DLG5: variants seen among roughly 807,000 people sequenced by gnomAD.
The protein encoded by DLG5 is discs large MAGUK scaffold protein 5, also known as disks large homolog 5.
In DLG5, 48 loss-of-function variants were observed where a neutral mutation model predicts 189.8. The ratio of observed to expected loss-of-function variants is 0.25; its 90% CI spans 0.20 to 0.32. DLG5 has a LOEUF of 0.32. Among genes scored for constraint, DLG5 ranks in the 10% least tolerant of loss-of-function variants. DLG5 has a pLI of 1.00. For missense variants in DLG5, 2,160 were observed against 2,544.7 expected, an observed-to-expected ratio of 0.85 and a Z score of 3.25; for synonymous variants, 1,016 against 1,054.1, an observed-to-expected ratio of 0.96 and a Z score of 0.70.
chr10:77,844,753 G>A (rs1046269529), intron 5 of DLG5, among the ~76,000 whole-genome samples: 1 of 152,250 alleles, frequency 6.6e-6, no homozygotes, highest in Non-Finnish European at 1.5e-5. Flanking sequence ...GGGCTGGAGA[G>A]AGCCATCTGA....
intron 13 of DLG5, 47 bp downstream of exon 13, chr10:77,828,835 T>A (rs1349546304): frequency 6.3e-7 from 1 of 1,595,362 alleles, no homozygotes; most frequent in South Asian, 1.1e-5. Context: ...CCAAATGTAA[T>A]CTGCCTATGC....
intron 2 of DLG5, among the ~76,000 whole-genome samples, chr10:77,865,873 A>AC (rs753937293): frequency 1.3e-5 from 2 of 152,044 alleles, no homozygotes; most frequent in Non-Finnish European, 2.9e-5. Context: ...GAGATCCGAG[A>AC]CCCGACAGAC....
Position 77,831,534 on chromosome 10 carries a change from G to A in DLG5, c.1749-661C>T, listed in dbSNP as rs34889043. Among the ~76,000 whole-genome samples the A allele has an allele frequency of 7.9e-3, 1,206 of 152,330 alleles. 15 individuals are homozygous for A. The highest frequency in any genetic ancestry group is 0.017 in the Middle Eastern group (5 of 294). On this transcript the variant is annotated intron_variant, in intron 9 of 31. Coordinates refer to ENST00000372391, the MANE Select transcript of DLG5 (RefSeq NM_004747.4). ...ACTATTTTGAAAATGACTAAAGTGG[G>A]AGGAAACTCTCTACCCAATTTAAGA...
At chr10:77,900,868 G>A (rs1172001871) in intron 1 of DLG5, among the ~76,000 whole-genome samples, 1 of 152,220 alleles carries the variant, frequency 6.6e-6, no homozygotes, top group Non-Finnish European at 1.5e-5. Flanking sequence ...CCGGGAGGCG[G>A]AGGTTGCAGT....
chr10:77,856,850 T>A lies in DLG5; in HGVS notation c.416A>T (p.Asp139Val), dbSNP rs1844258342. 6.2e-7 allele frequency: 1 copy of A among 1,612,438 alleles called. No individual in the cohort carries two copies. Among genetic ancestry groups the A allele is most frequent in the Non-Finnish European group, 8.5e-7 (1 of 1,179,928 alleles). The change falls in exon 3 of 32, where the codon GAC (aspartate) becomes GTC (valine). Residue 139 changes from aspartate (D) to valine (V), a missense_variant. This residue lies in a region of DLG5 where 664 missense variants were observed against 838.5 expected (regional missense o/e 0.79). Transcript: ENST00000372391. ...KAPSPPPLLT[D>V]QQVNEKVENL... ...CTCCACCTTCTCATTCACTTGCTGG[T>A]CAGTGAGGAGGGGTGGTGGGGACGG...
chr10:77,825,374 CCACACACACACACACA>C (rs59102694), intron 13 of DLG5, among the ~76,000 whole-genome samples: 42 of 130,892 alleles, frequency 3.2e-4, no homozygotes, highest in Non-Finnish European at 3.1e-4. Flanking sequence ...CCACACACAA[CCACACACACACACACA>C]CACACACACA....
At position 77,926,269 on chromosome 10, in the gene DLG5, G is replaced by A. The variant is rs2131889209; in HGVS notation, c.252C>T (p.Pro84=). The stretch of plus-strand genomic sequence containing the variant: ...CGACGACGCCGTTCAGGTAGAGAAT[G>A]GGCAGCAGGTGAGGCTGCGTCTTCT... ...ALEKTQPHLL[P]ILYLNGVVGP... Residue 84 remains proline, a synonymous_variant, in exon 1 of 32, where the codon CCC becomes CCT. Coordinates refer to ENST00000372391, the MANE Select transcript of DLG5 (RefSeq NM_004747.4). This position sits in a 1 kb window ranked among gnomAD's most constrained non-coding sequence, Gnocchi z 5.2. 1.3e-6 allele frequency: 2 copies of A among 1,579,084 alleles called. No individual in the cohort carries two copies. The highest frequency in any genetic ancestry group is 2.4e-5 in the East Asian group (1 of 42,296).
At chr10:77,917,453 C>T (rs1047589016) in intron 1 of DLG5, among the ~76,000 whole-genome samples, 1 of 150,954 alleles carries the variant, frequency 6.6e-6, no homozygotes, top group African/African-American at 2.4e-5. Flanking sequence ...GAGGTTGAAG[C>T]TGCAGTGAGC....
Position 77,841,933 on chromosome 10 carries a change from C to T in DLG5, c.1385G>A (p.Ser462Asn). 2 of 1,613,978 alleles carry T rather than the reference C, an allele frequency of 1.2e-6. No individual in the cohort carries two copies. Among genetic ancestry groups the T allele is most frequent in the Non-Finnish European group, 1.7e-6 (2 of 1,179,952 alleles). ...GGCCGCCTTCTTCTCAGATGTGCTG[C>T]TCTTGAGCTTGGACTCGGCCAGCTC... is the stretch of plus-strand genomic sequence containing the variant. ...EVELAESKLK[S>N]STSEKKAANE... The change falls in exon 7 of 32, where the codon AGC becomes AAC. Residue 462 changes from serine to asparagine, a missense_variant. This residue lies in a region of DLG5 where 664 missense variants were observed against 838.5 expected (regional missense o/e 0.79). Coordinates refer to ENST00000372391, the MANE Select transcript of DLG5 (RefSeq NM_004747.4).
rs540749841 is a variant in DLG5, at chr10:77,842,522, C to A, written c.1125-329G>T. 2.0e-5 allele frequency among the ~76,000 whole-genome samples: 3 copies of A among 152,340 alleles called. No individual in the cohort carries two copies. In the East Asian group the frequency reaches 5.8e-4, roughly 29 times the overall value. On this transcript the variant is annotated intron_variant, in intron 6 of 31. Coordinates refer to ENST00000372391, the MANE Select transcript of DLG5 (RefSeq NM_004747.4). ...AAACAAAACAATGCCAGGATAACAGCATAAAGAGGCCTTAACGATCATTTA... is the reference window on the plus strand; with the variant it reads ...AAACAAAACAATGCCAGGATAACAGAATAAAGAGGCCTTAACGATCATTTA...
chr10:77,838,889 G>A (rs1426690223), intron 7 of DLG5, among the ~76,000 whole-genome samples: 3 of 152,240 alleles, frequency 2.0e-5, no homozygotes, highest in Non-Finnish European at 4.4e-5. Flanking sequence ...AGAAGGAGCT[G>A]AGGATTTCAG....
intron 1 of DLG5, among the ~76,000 whole-genome samples, chr10:77,887,152 A>C (rs567549053): frequency 3.3e-5 from 5 of 152,342 alleles, no homozygotes; most frequent in African/African-American, 1.2e-4. Context: ...CCCCAGGACA[A>C]ACGTATTGCT....
At chr10:77,842,331 C>A in intron 6 of DLG5, 138 bp from the exon 7 acceptor site, 1 of 1,071,094 alleles carries the variant, frequency 9.3e-7, no homozygotes, top group Non-Finnish European at 1.3e-6. Context: ...TCTCTCCACC[C>A]CCAGGAGAGA....
At chr10:77,907,546 T>C (rs1357320874) in intron 1 of DLG5, among the ~76,000 whole-genome samples, 1 of 152,162 alleles carries the variant, frequency 6.6e-6, no homozygotes, top group Non-Finnish European at 1.5e-5. Context: ...GCCACTGCAC[T>C]CCAGCCTGGG....
At chr10:77,872,853 C>A (rs140807339) in intron 1 of DLG5, among the ~76,000 whole-genome samples, 1 of 152,148 alleles carries the variant, frequency 6.6e-6, no homozygotes, top group East Asian at 2.0e-4. Flanking sequence ...ATGGCCCAAT[C>A]CAGGAGGAGA....
At chr10:77,871,203 C>G (rs1341949467) in intron 1 of DLG5, among the ~76,000 whole-genome samples, 2 of 152,118 alleles carry the variant, frequency 1.3e-5, no homozygotes, top group African/African-American at 2.4e-5. Flanking sequence ...GCAGCCAAAC[C>G]AGGAGCAGCG....
At chr10:77,934,842 C>CTTTTTTTTTTTT in the DLG5 span, among the ~76,000 whole-genome samples, 14 of 145,090 alleles carry the variant, frequency 9.6e-5, no homozygotes, top group African/African-American at 3.5e-4. Flanking sequence ...GGGTGCTGTT[C>CTTTTTTTTTTTT]TTTTTTTTTG....
intron 20 of DLG5, among the ~76,000 whole-genome samples, chr10:77,813,913 T>C (rs1331645200): frequency 1.3e-5 from 2 of 152,234 alleles, no homozygotes; most frequent in Admixed American, 6.5e-5. Flanking sequence ...GGAGGCTTCT[T>C]ATGTAGGACA....
chr10:77,816,422 C>A (rs1269362662), intron 20 of DLG5, 129 bp downstream of exon 20: 2 of 1,411,408 alleles, frequency 1.4e-6, no homozygotes, highest in Non-Finnish European at 2.0e-6. Flanking sequence ...GTGACACCAG[C>A]AAATGCTGGG....
Sources: allele counts gnomAD v4.1 joint callset (sites outside exome capture counted in the v4.1 genomes callset), GRCh38; gene constraint gnomAD v4.1.1; regional missense constraint gnomAD v4.1.1; non-coding constraint Gnocchi (gnomAD v3.1); transcripts MANE v1.5; gene names NCBI Gene and HGNC (gene_info 2026-07-23, HGNC 2026-07-21).